WWOX: variants seen among roughly 807,000 people sequenced by gnomAD.
WWOX encodes the protein WW domain containing oxidoreductase.
Under a neutral mutation model 46.2 loss-of-function variants are expected in WWOX, and 69 were observed. That is an observed-to-expected ratio of 1.49 (90% CI 1.23 to 1.82). The LOEUF is 1.82. WWOX is among the 40% of genes most tolerant of loss of function. The pLI is 0.00. For missense variants in WWOX, 919 were observed against 542.6 expected (o/e 1.69, Z -6.89); for synonymous variants, 359 against 202.6 (o/e 1.77, Z -6.56).
intron 5 of WWOX, among the ~76,000 whole-genome samples, chr16:78,194,789 C>G (rs1256682761): frequency 1.5e-5 from 2 of 134,714 alleles, no homozygotes. Context: ...AACCATCAAC[C>G]CTCTTAACTC....
intron 5 of WWOX, among the ~76,000 whole-genome samples, chr16:78,278,358 G>A (rs146363235): frequency 4.4e-4 from 67 of 152,272 alleles, no homozygotes; most frequent in African/African-American, 1.5e-3. Context: ...GGCTTACTCT[G>A]CAGAGAGCCA....
intron 8 of WWOX, among the ~76,000 whole-genome samples, chr16:79,045,128 C>G (rs2048041136): frequency 6.6e-6 from 1 of 152,166 alleles, no homozygotes; most frequent in Non-Finnish European, 1.5e-5. Context: ...TTCATTTATT[C>G]TTTCGTAAAT....
intron 4 of WWOX, chr16:78,123,921 G>A (rs1447519640): frequency 6.6e-6 from 1 of 152,104 alleles, no homozygotes; most frequent in Non-Finnish European, 1.5e-5. Context: ...TTAAGTAAGA[G>A]GGATCATATT....
At chr16:78,858,418 A>G (rs1385456456) in intron 8 of WWOX, among the ~76,000 whole-genome samples, 1 of 152,006 alleles carries the variant, frequency 6.6e-6, no homozygotes, top group African/African-American at 2.4e-5. Flanking sequence ...TCCATGATAT[A>G]ATTTTGAGTT....
chr16:78,869,480 C>G (rs1049790518), intron 8 of WWOX, among the ~76,000 whole-genome samples: 1 of 152,236 alleles, frequency 6.6e-6, no homozygotes, highest in Non-Finnish European at 1.5e-5. Flanking sequence ...CCCTCCCTCC[C>G]AGCTCATCCG....
chr16:78,258,319 T>C (rs1433419900), intron 5 of WWOX, among the ~76,000 whole-genome samples: 1 of 152,162 alleles, frequency 6.6e-6, no homozygotes, highest in African/African-American at 2.4e-5. Flanking sequence ...TAAAAAGGGA[T>C]TTAAAAATAG....
At chr16:78,970,163 C>G (rs577238041) in intron 8 of WWOX, among the ~76,000 whole-genome samples, 72 of 152,192 alleles carry the variant, frequency 4.7e-4, no homozygotes, top group Non-Finnish European at 8.7e-4. Context: ...CCTGTCACCT[C>G]TACCCCACAC....
rs189712288 is a variant in WWOX, at chr16:78,402,095, C to G, written c.605+15147C>G. On this transcript the variant is annotated intron_variant, in intron 6 of 8. Coordinates refer to ENST00000566780, the MANE Select transcript of WWOX (RefSeq NM_016373.4). The stretch of plus-strand genomic sequence containing the variant: ...CTTTTGAATTGCAGAACAATTTCAT[C>G]ACTCCAAAAAGAAATCTCATAACAA... Among the ~76,000 whole-genome samples, 6 of 152,322 alleles carry G rather than the reference C, an allele frequency of 3.9e-5. No homozygotes were observed. In the East Asian group the frequency reaches 9.6e-4, roughly 24 times the overall value.
At chr16:78,295,088 G>T (rs2079921945) in intron 5 of WWOX, among the ~76,000 whole-genome samples, 1 of 152,144 alleles carries the variant, frequency 6.6e-6, no homozygotes, top group Admixed American at 6.5e-5. Flanking sequence ...TAGGAGGATG[G>T]TGGTTAAATC....
At chr16:78,559,032 C>T (rs1297198854) in intron 8 of WWOX, among the ~76,000 whole-genome samples, 1 of 152,212 alleles carries the variant, frequency 6.6e-6, no homozygotes, top group Non-Finnish European at 1.5e-5. Context: ...GGCATCCACA[C>T]AAGATCTGGC....
intron 8 of WWOX, among the ~76,000 whole-genome samples, chr16:78,747,301 C>G (rs1292916189): frequency 1.3e-5 from 2 of 151,408 alleles, no homozygotes; most frequent in East Asian, 1.9e-4. Flanking sequence ...AAGCAATTCT[C>G]TAGCCTCAGC....
At chr16:79,037,616 C>A (rs373927329) in intron 8 of WWOX, among the ~76,000 whole-genome samples, 1 of 152,160 alleles carries the variant, frequency 6.6e-6, no homozygotes, top group African/African-American at 2.4e-5. Context: ...GAAGCTGAGG[C>A]AGGATGGGCA....
At chr16:78,890,421 C>G (rs1280895100) in intron 8 of WWOX, 2 of 151,658 alleles carry the variant, frequency 1.3e-5, no homozygotes, top group Non-Finnish European at 1.5e-5. Context: ...GGACATCCCT[C>G]CCACCCTATC....
At chr16:78,922,252 C>T (rs1053453062) in intron 8 of WWOX, among the ~76,000 whole-genome samples, 2 of 152,062 alleles carry the variant, frequency 1.3e-5, no homozygotes, top group African/African-American at 4.8e-5. Context: ...TCATCTGCAA[C>T]CTAAGGTTAC....
At chr16:78,961,157 G>A (rs574115152) in intron 8 of WWOX, among the ~76,000 whole-genome samples, 1 of 152,256 alleles carries the variant, frequency 6.6e-6, no homozygotes, top group East Asian at 1.9e-4. Context: ...CCAGATCATA[G>A]TCTCCTAAAA....
At chr16:78,648,232 C>T (rs912662877) in intron 8 of WWOX, among the ~76,000 whole-genome samples, 1 of 152,110 alleles carries the variant, frequency 6.6e-6, no homozygotes, top group Non-Finnish European at 1.5e-5. Context: ...CATGCATATC[C>T]CTATACAAAG....
At chr16:78,616,551 C>T (rs1237604787) in intron 8 of WWOX, among the ~76,000 whole-genome samples, 1 of 151,706 alleles carries the variant, frequency 6.6e-6, no homozygotes, top group Non-Finnish European at 1.5e-5. Context: ...CGGTGGATCA[C>T]TTGAGGTCAG....
intron 8 of WWOX, among the ~76,000 whole-genome samples, chr16:78,851,777 T>C (rs534878532): frequency 6.6e-6 from 1 of 152,260 alleles, no homozygotes; most frequent in Non-Finnish European, 1.5e-5. Flanking sequence ...TTAGGGGCTG[T>C]AGATGAACTG....
At chr16:78,739,550 G>T (rs149617788) in intron 8 of WWOX, among the ~76,000 whole-genome samples, 2,039 of 152,230 alleles carry the variant, frequency 0.013, 38 homozygotes, top group African/African-American at 0.046. Flanking sequence ...GGTGGCTCAC[G>T]CCTGTAATCC....
Sources: gnomAD v4.1 joint callset for allele counts (sites outside exome capture counted in the v4.1 genomes callset) on GRCh38, gnomAD v4.1.1 for gene constraint, MANE v1.5 for transcripts, NCBI Gene and HGNC (gene_info 2026-07-23, HGNC 2026-07-21) for gene names.